Variants in CA10 observed in about 807,000 individuals in gnomAD.
CA10 encodes the protein carbonic anhydrase 10 (inactive), also known as carbonic anhydrase-related protein 10.
CA10 carries 14 observed loss-of-function variants against 44.2 expected under a neutral mutation model. That is an observed-to-expected ratio of 0.32 (90% CI 0.21 to 0.50). The LOEUF is 0.50. CA10 is among the 20% of genes least tolerant of loss of function. The pLI is 0.99. For synonymous variants in CA10, 159 were observed against 141.6 expected (o/e 1.12, Z -0.87); for missense variants, 350 against 409.7 (o/e 0.85, Z 1.26).
chr17:52,049,685 A>G (rs1402429527), intron 2 of CA10, among the ~76,000 whole-genome samples: 2 of 152,106 alleles, frequency 1.3e-5, no homozygotes, highest in Non-Finnish European at 2.9e-5. Context: ...TGTTGGCAGG[A>G]GACAAATGTG....
chr17:51,726,537 G>A (rs1001148180), intron 4 of CA10, among the ~76,000 whole-genome samples: 4 of 152,164 alleles, frequency 2.6e-5, no homozygotes, highest in East Asian at 1.9e-4. Context: ...TTCAAAACAT[G>A]TTATACACCA....
At chr17:52,134,050 G>A (rs1351970702) in intron 1 of CA10, among the ~76,000 whole-genome samples, 1 of 152,170 alleles carries the variant, frequency 6.6e-6, no homozygotes, top group Admixed American at 6.5e-5. Flanking sequence ...CATAATAAAA[G>A]GCTGTAAAGC....
intron 1 of CA10, among the ~76,000 whole-genome samples, chr17:52,148,178 G>A (rs1989628891): frequency 6.6e-6 from 1 of 152,188 alleles, no homozygotes; most frequent in Non-Finnish European, 1.5e-5. Flanking sequence ...AAAAAGTGGG[G>A]TAGGCTATTC....
intron 3 of CA10, among the ~76,000 whole-genome samples, chr17:51,878,893 G>GGGGT (rs1555608412): frequency 0.078 from 4,097 of 52,390 alleles, 802 homozygotes; most frequent in South Asian, 0.17. Context: ...TATATATATG[G>GGGGT]GTGTGTGTGT....
chr17:51,917,386 A>G (rs963608068), intron 3 of CA10, among the ~76,000 whole-genome samples: 1 of 106,670 alleles, frequency 9.4e-6, no homozygotes, highest in African/African-American at 2.6e-5. Flanking sequence ...CTAGGAGTGC[A>G]TGGCAGGATG....
intron 1 of CA10, among the ~76,000 whole-genome samples, chr17:52,079,492 G>A (rs1228867217): frequency 1.3e-5 from 2 of 151,928 alleles, no homozygotes; most frequent in African/African-American, 4.8e-5. Flanking sequence ...TTATGCAAAA[G>A]CTTAGTACAT....
intron 2 of CA10, among the ~76,000 whole-genome samples, chr17:51,996,132 TA>T (rs546880825): frequency 1.3e-5 from 2 of 151,996 alleles, no homozygotes; most frequent in Non-Finnish European, 2.9e-5. Context: ...GAGCTCCCAG[TA>T]AACCAAGAGA....
chr17:51,712,355 T>C (rs1252821689), intron 4 of CA10, among the ~76,000 whole-genome samples: 5 of 152,218 alleles, frequency 3.3e-5, no homozygotes, highest in Non-Finnish European at 7.3e-5. Context: ...GTCCAATCTT[T>C]AAAATAGGGA....
At chr17:51,988,983 A>C (rs1323080337) in intron 2 of CA10, among the ~76,000 whole-genome samples, 1 of 151,982 alleles carries the variant, frequency 6.6e-6, no homozygotes, top group Non-Finnish European at 1.5e-5. Context: ...ATTCATATTT[A>C]AGTGCTTGAC....
chr17:51,931,494 C>T (rs1168350507), intron 2 of CA10, among the ~76,000 whole-genome samples: 1 of 152,156 alleles, frequency 6.6e-6, no homozygotes, highest in East Asian at 1.9e-4. Flanking sequence ...GGAGTTGATG[C>T]TGTGCTTTTC....
At chr17:51,932,356 A>G (rs909901277) in intron 2 of CA10, among the ~76,000 whole-genome samples, 1 of 152,188 alleles carries the variant, frequency 6.6e-6, no homozygotes, top group Admixed American at 6.5e-5. Context: ...AGTAGCCATC[A>G]TTCTTGCCTA....
At chr17:52,145,634 T>C (rs762945688) in intron 1 of CA10, among the ~76,000 whole-genome samples, 1 of 152,222 alleles carries the variant, frequency 6.6e-6, no homozygotes, top group Non-Finnish European at 1.5e-5. Flanking sequence ...CAGTTTCCTG[T>C]CTCTGATCTA....
intron 3 of CA10, among the ~76,000 whole-genome samples, chr17:51,863,661 C>A (rs953761538): frequency 6.6e-6 from 1 of 152,148 alleles, no homozygotes; most frequent in Non-Finnish European, 1.5e-5. Context: ...CTGGTCCCCA[C>A]GGACACCCTC....
intron 6 of CA10, among the ~76,000 whole-genome samples, chr17:51,640,292 T>A (rs1421169753): frequency 6.6e-6 from 1 of 152,152 alleles, no homozygotes. Context: ...AGAGACGACA[T>A]CATTTATCAG....
chr17:51,777,333 T>C (rs1050583961), intron 3 of CA10, among the ~76,000 whole-genome samples: 1 of 152,174 alleles, frequency 6.6e-6, no homozygotes, highest in Non-Finnish European at 1.5e-5. Context: ...AGTTTAGAGC[T>C]TGACTAATAA....
intron 4 of CA10, among the ~76,000 whole-genome samples, chr17:51,737,637 C>CAATA (rs937577763): frequency 1.3e-5 from 2 of 152,142 alleles, no homozygotes; most frequent in Non-Finnish European, 2.9e-5. Flanking sequence ...ATCACACAGC[C>CAATA]AATAAGTGGC....
chr17:52,097,993 CA>C (rs1484565161), intron 1 of CA10, among the ~76,000 whole-genome samples: 2 of 152,150 alleles, frequency 1.3e-5, no homozygotes, highest in Non-Finnish European at 2.9e-5. Context: ...GGAGGCCCCC[CA>C]ATATTTCTAT....
chr17:51,666,557 ACTGCCTGCCAACTTTCCC>A lies in CA10; in HGVS notation c.466-12839_466-12822del, dbSNP rs1489119712. ...GATTCTTCCAGAAATCACATTACCA[ACTGCCTGCCAACTTTCCC>A]CTATTCCTGCCCTTCCAGAGCCTGC... On this transcript the variant is annotated intron_variant, in intron 4 of 8. Coordinates refer to ENST00000451037, the MANE Select transcript of CA10 (RefSeq NM_020178.5). Among the ~76,000 whole-genome samples, 258 of 152,252 alleles carry A rather than the reference ACTGCCTGCCAACTTTCCC, an allele frequency of 1.7e-3. 2 individuals carry two copies. Among genetic ancestry groups the A allele is most frequent in the Admixed American group, 0.016 (252 of 15,284 alleles).
intron 2 of CA10, among the ~76,000 whole-genome samples, chr17:51,951,097 A>G (rs374348206): frequency 1.3e-5 from 2 of 152,184 alleles, no homozygotes; most frequent in East Asian, 3.9e-4. Context: ...TAATTCCTAC[A>G]TAATACATAT....
Sources: allele counts gnomAD v4.1 joint callset (sites outside exome capture counted in the v4.1 genomes callset), GRCh38; gene constraint gnomAD v4.1.1; transcripts MANE v1.5; gene names NCBI Gene and HGNC (gene_info 2026-07-23, HGNC 2026-07-21).